WIPF3: variants seen among roughly 807,000 people sequenced by gnomAD.
WIPF3 encodes the protein WAS/WASL interacting protein family member 3.
WIPF3 carries 33 observed loss-of-function variants against 38.9 expected under a neutral mutation model. That is an observed-to-expected ratio of 0.85 (90% CI 0.64 to 1.14). The LOEUF (loss-of-function observed/expected upper bound fraction) is 1.14, where lower values mean the gene tolerates loss of function less well. WIPF3 is among the 50% of genes most tolerant of loss of function. The pLI, the probability that WIPF3 is intolerant of heterozygous loss-of-function variation, is 0.00. For missense variants in WIPF3, 711 were observed against 652.5 expected (o/e 1.09, Z -0.98); for synonymous variants, 324 against 269.3 (o/e 1.20, Z -1.99).
At chr7:29,820,117 C>T (rs1250960019) in intron 1 of WIPF3, among the ~76,000 whole-genome samples, 1 of 152,070 alleles carries the variant, frequency 6.6e-6, no homozygotes, top group African/African-American at 2.4e-5. Context: ...TCTGAATATA[C>T]ATTTGCCTTC....
At chr7:29,815,780 G>T (rs570652491) in intron 1 of WIPF3, among the ~76,000 whole-genome samples, 4 of 152,192 alleles carry the variant, frequency 2.6e-5, no homozygotes, top group African/African-American at 9.7e-5. Context: ...GATAACAGAA[G>T]AATTAAACTG....
intron 1 of WIPF3, among the ~76,000 whole-genome samples, chr7:29,819,692 A>G (rs753622739): frequency 6.6e-6 from 1 of 152,004 alleles, no homozygotes; most frequent in African/African-American, 2.4e-5. Flanking sequence ...TGCATTCCAT[A>G]GGTTCTGATA....
intron 8 of WIPF3, among the ~76,000 whole-genome samples, chr7:29,907,558 C>T (rs1456765622): frequency 6.6e-6 from 1 of 152,048 alleles, no homozygotes; most frequent in African/African-American, 2.4e-5. Flanking sequence ...AAAGTTGGGC[C>T]TTTGGGGAGG....
chr7:29,823,064 C>T lies in WIPF3; in HGVS notation c.-57-11604C>T, dbSNP rs1784565723. On this transcript the variant is annotated intron_variant, in intron 1 of 8. Transcript: ENST00000242140. This position sits in a 1 kb window ranked among gnomAD's most constrained non-coding sequence, Gnocchi z 4.0. ...AATTTCTTTATTATTTATCTCAAAG[C>T]AGTACTCCTTTGCTCCTCATATTTA... Among the ~76,000 whole-genome samples, 2 of 152,142 alleles carry T rather than the reference C, an allele frequency of 1.3e-5. No individual in the cohort carries two copies. Among genetic ancestry groups the T allele is most frequent in the Non-Finnish European group, 2.9e-5 (2 of 68,020 alleles).
chr7:29,891,958 G>A (rs924470799), intron 7 of WIPF3, among the ~76,000 whole-genome samples: 3 of 152,194 alleles, frequency 2.0e-5, no homozygotes, highest in African/African-American at 7.2e-5. Flanking sequence ...GTCCCACGTG[G>A]TACATCAGAG....
intron 1 of WIPF3, among the ~76,000 whole-genome samples, chr7:29,811,890 C>A (rs1784385323): frequency 6.6e-6 from 1 of 152,182 alleles, no homozygotes; most frequent in Non-Finnish European, 1.5e-5. Flanking sequence ...CAGAGCCTTC[C>A]TTCCAAAGAT....
chr7:29,903,158 G>A (rs1040950418), intron 7 of WIPF3, among the ~76,000 whole-genome samples: 11 of 152,058 alleles, frequency 7.2e-5, no homozygotes, highest in Non-Finnish European at 1.5e-4. Flanking sequence ...GCTGAATGTG[G>A]TGATGCACAC....
Position 29,883,961 on chromosome 7 carries a change from C to A in WIPF3, c.467C>A (p.Ser156Tyr). The A allele has an allele frequency of 6.4e-7, 1 of 1,554,490 alleles. No homozygotes were observed. Among genetic ancestry groups the A allele is most frequent in the Non-Finnish European group, 8.7e-7 (1 of 1,149,164 alleles). Reference sequence around the variant, plus strand: ...GCCTCTCCCAGGCTAGGCAATACCTCCGAGGCGCATGGCGCTGCCAGGACA... The same window carrying A: ...GCCTCTCCCAGGCTAGGCAATACCTACGAGGCGCATGGCGCTGCCAGGACA... ...PPASPRLGNT[S>Y]EAHGAARTAP... The change falls in exon 5 of 9, where the codon TCC becomes TAC. Residue 156 changes from serine (S) to tyrosine (Y), a missense_variant. By Grantham distance (144) the Ser-to-Tyr change is moderately radical. Coordinates refer to ENST00000242140, the MANE Select transcript of WIPF3 (RefSeq NM_001080529.3).
At chr7:29,886,616 T>C (rs1315307938) in intron 5 of WIPF3, among the ~76,000 whole-genome samples, 1 of 152,034 alleles carries the variant, frequency 6.6e-6, no homozygotes, top group East Asian at 1.9e-4. Flanking sequence ...CTCAGCCTCC[T>C]AAGGTGCTGG....
At chr7:29,891,456 A>G (rs1049040636) in intron 7 of WIPF3, among the ~76,000 whole-genome samples, 1 of 152,218 alleles carries the variant, frequency 6.6e-6, no homozygotes, top group Non-Finnish European at 1.5e-5. Flanking sequence ...ATTTAGAGAT[A>G]TAACCCTGTG....
intron 1 of WIPF3, among the ~76,000 whole-genome samples, chr7:29,830,796 A>G (rs1195314692): frequency 1.3e-5 from 2 of 152,178 alleles, no homozygotes; most frequent in African/African-American, 4.8e-5. Context: ...TGTTGAGAGG[A>G]TTACATAAAA....
Position 29,888,510 on chromosome 7 carries a change from C to CGTGTGCGT in WIPF3, c.1249+298_1249+299insCGTGTGTG, listed in dbSNP as rs1785936364. Among the ~76,000 whole-genome samples the CGTGTGCGT allele has an allele frequency of 2.7e-5, 4 of 147,910 alleles. No individual in the cohort carries two copies. The South Asian group carries it at 8.7e-4, about 32-fold the overall frequency. On this transcript the variant is annotated intron_variant, in intron 6 of 8. Transcript: ENST00000242140. Reference sequence around the variant, plus strand: ...GTGTGTGTGCGTGTGCGTGTGTGTGCGTGTGTGTGTGTGTGTGTGTGTGTC... The same window carrying CGTGTGCGT: ...GTGTGTGTGCGTGTGCGTGTGTGTGCGTGTGCGTGTGTGTGTGTGTGTGTGTGTGTGTC...
chr7:29,834,919 G>C, intron 2 of WIPF3, 105 bp downstream of exon 2: 1 of 1,338,990 alleles, frequency 7.5e-7, no homozygotes, highest in Non-Finnish European at 1.0e-6. Flanking sequence ...TAGCTTCCCT[G>C]TGGCAGGTGG....
chr7:29,902,324 C>T (rs1324471068), intron 7 of WIPF3, among the ~76,000 whole-genome samples: 1 of 127,248 alleles, frequency 7.9e-6, no homozygotes, highest in African/African-American at 2.8e-5. Context: ...AGCTAAAAAT[C>T]TAGCAGTTAC....
At chr7:29,814,671 G>T (rs984524592) in intron 1 of WIPF3, among the ~76,000 whole-genome samples, 2 of 152,170 alleles carry the variant, frequency 1.3e-5, no homozygotes, top group African/African-American at 4.8e-5. Context: ...TGTGAAATGG[G>T]GATGATAACA....
At chr7:29,809,584 G>C (rs1469670317) in intron 1 of WIPF3, among the ~76,000 whole-genome samples, 1 of 152,274 alleles carries the variant, frequency 6.6e-6, no homozygotes, top group African/African-American at 2.4e-5. Flanking sequence ...AAACCGAAGA[G>C]GCATGCCTTT....
intron 1 of WIPF3, among the ~76,000 whole-genome samples, chr7:29,826,253 C>A (rs760114113): frequency 6.6e-6 from 1 of 152,066 alleles, no homozygotes; most frequent in South Asian, 2.1e-4. Context: ...GGAGATGGTG[C>A]CTTTCTTACA....
chr7:29,849,394 G>A (rs374019771), intron 2 of WIPF3, among the ~76,000 whole-genome samples: 1 of 152,194 alleles, frequency 6.6e-6, no homozygotes, highest in African/African-American at 2.4e-5. Context: ...TTGTGAAACT[G>A]TTGCATTTAC....
chr7:29,913,896 C>A (rs1786553026), intron 8 of WIPF3, among the ~76,000 whole-genome samples: 1 of 152,202 alleles, frequency 6.6e-6, no homozygotes, highest in South Asian at 2.1e-4. Flanking sequence ...TCACCTGAGT[C>A]TGGTGGTTTT....
Sources: allele counts gnomAD v4.1 joint callset (sites outside exome capture counted in the v4.1 genomes callset), GRCh38; gene constraint gnomAD v4.1.1; non-coding constraint Gnocchi (gnomAD v3.1); transcripts MANE v1.5; gene names NCBI Gene and HGNC (gene_info 2026-07-23, HGNC 2026-07-21).